Variants in BRINP1 observed in about 807,000 individuals in gnomAD.
The protein encoded by BRINP1 is BMP/retinoic acid inducible neural specific 1, also known as BMP/retinoic acid-inducible neural-specific protein 1.
BRINP1 carries 17 observed loss-of-function variants against 72.9 expected under a neutral mutation model. The ratio of observed to expected loss-of-function variants is 0.23; its 90% CI spans 0.16 to 0.35. The LOEUF (loss-of-function observed/expected upper bound fraction) is 0.35, where lower values mean the gene tolerates loss of function less well. Ranked by LOEUF, BRINP1 falls within the 10% of genes least tolerant of loss-of-function variation. The probability of loss-of-function intolerance (pLI) is 1.00; values close to 1 mark genes in which losing one functional copy is unlikely to be tolerated. For missense variants in BRINP1, 850 were observed against 1,001.6 expected (o/e 0.85, Z 2.04); for synonymous variants, 418 against 378.5 (o/e 1.10, Z -1.21).
At chr9:119,258,288 A>G (rs911176021) in intron 2 of BRINP1, among the ~76,000 whole-genome samples, 3 of 152,140 alleles carry the variant, frequency 2.0e-5, no homozygotes, top group Admixed American at 6.5e-5. Context: ...TAAACTTGAG[A>G]GGGAAAAATA....
At chr9:119,172,276 CAATAAAA>C (rs550546877) in intron 7 of BRINP1, among the ~76,000 whole-genome samples, 1,612 of 152,154 alleles carry the variant, frequency 0.011, 18 homozygotes, top group African/African-American at 0.032. Context: ...CAAATAGACG[CAATAAAA>C]AATGATAAAG....
intron 2 of BRINP1, among the ~76,000 whole-genome samples, chr9:119,278,938 A>G (rs552397278): frequency 6.6e-6 from 1 of 152,138 alleles, no homozygotes; most frequent in East Asian, 1.9e-4. Context: ...AACTTAGAGC[A>G]CTTTTCTGTC....
chr9:119,306,836 T>C (rs1831002141), intron 2 of BRINP1, among the ~76,000 whole-genome samples: 1 of 152,170 alleles, frequency 6.6e-6, no homozygotes, highest in Non-Finnish European at 1.5e-5. Context: ...TCTGTGGCCA[T>C]GTCAAAAACA....
intron 1 of BRINP1, among the ~76,000 whole-genome samples, chr9:119,313,944 T>A (rs1831098283): frequency 6.6e-6 from 1 of 152,220 alleles, no homozygotes; most frequent in Non-Finnish European, 1.5e-5. Context: ...CAGGCATGTA[T>A]CCACTGAGCA....
intron 1 of BRINP1, among the ~76,000 whole-genome samples, chr9:119,347,063 C>T (rs1831459546): frequency 6.6e-6 from 1 of 152,168 alleles, no homozygotes; most frequent in Non-Finnish European, 1.5e-5. Flanking sequence ...CTTGGAAGCT[C>T]TCCCTCTTGC....
chr9:119,280,227 A>G (rs1451246702), intron 2 of BRINP1, among the ~76,000 whole-genome samples: 1 of 145,992 alleles, frequency 6.8e-6, no homozygotes, highest in Non-Finnish European at 1.5e-5. Flanking sequence ...AACATGGATG[A>G]AATAAGTAGT....
intron 7 of BRINP1, among the ~76,000 whole-genome samples, chr9:119,177,439 G>A (rs1027001664): frequency 3.3e-5 from 5 of 152,126 alleles, no homozygotes; most frequent in African/African-American, 4.8e-5. Context: ...CCCTCCACAC[G>A]GCCCTGATTG....
intron 5 of BRINP1, among the ~76,000 whole-genome samples, chr9:119,231,732 C>T (rs1039637762): frequency 1.3e-5 from 2 of 152,020 alleles, no homozygotes; most frequent in African/African-American, 4.8e-5. Context: ...CCTTATATAA[C>T]ATCCAAGATT....
At chr9:119,199,605 A>C (rs534831229) in intron 7 of BRINP1, among the ~76,000 whole-genome samples, 1 of 152,230 alleles carries the variant, frequency 6.6e-6, no homozygotes, top group East Asian at 1.9e-4. Context: ...AAATGCTAAT[A>C]ATTCTACTGT....
intron 7 of BRINP1, among the ~76,000 whole-genome samples, chr9:119,200,636 G>GAAAAAAAAAAAA (rs774466695): frequency 1.7e-5 from 2 of 121,206 alleles, no homozygotes; most frequent in Admixed American, 8.7e-5. Context: ...GAAAAAAAAA[G>GAAAAAAAAAAAA]AAAAAAAAAA....
At chr9:119,269,714 G>A (rs554761504) in intron 2 of BRINP1, among the ~76,000 whole-genome samples, 3 of 152,136 alleles carry the variant, frequency 2.0e-5, no homozygotes, top group African/African-American at 7.2e-5. Context: ...AAAAGCAGAG[G>A]AGCCAGGAGG....
At chr9:119,280,862 C>G (rs1041820635) in intron 2 of BRINP1, among the ~76,000 whole-genome samples, 5 of 152,028 alleles carry the variant, frequency 3.3e-5, no homozygotes, top group Non-Finnish European at 2.9e-5. Flanking sequence ...TCTGAAAGAG[C>G]AGGGGTGTAT....
At chr9:119,345,999 G>A (rs1435245643) in intron 1 of BRINP1, among the ~76,000 whole-genome samples, 1 of 152,058 alleles carries the variant, frequency 6.6e-6, no homozygotes, top group East Asian at 1.9e-4. Flanking sequence ...TCACACCCAG[G>A]CAGTCTAGTT....
chr9:119,200,234 G>T (rs1425874395), intron 7 of BRINP1, among the ~76,000 whole-genome samples: 3 of 152,176 alleles, frequency 2.0e-5, no homozygotes, highest in African/African-American at 7.2e-5. Context: ...GTGGTAGGAA[G>T]TTATAAGAAC....
At chr9:119,322,552 T>C (rs1209552933) in intron 1 of BRINP1, among the ~76,000 whole-genome samples, 2 of 152,188 alleles carry the variant, frequency 1.3e-5, no homozygotes, top group African/African-American at 4.8e-5. Flanking sequence ...TGGAGCTTTC[T>C]GCATGGATTG....
At chr9:119,308,476 G>A (rs1004720867) in intron 2 of BRINP1, among the ~76,000 whole-genome samples, 17 of 152,098 alleles carry the variant, frequency 1.1e-4, no homozygotes, top group African/African-American at 3.9e-4. Context: ...CTGGCATATC[G>A]AGATGCCTAA....
At chr9:119,299,024 C>T (rs534449137) in intron 2 of BRINP1, among the ~76,000 whole-genome samples, 69 of 152,158 alleles carry the variant, frequency 4.5e-4, no homozygotes, top group African/African-American at 1.6e-3. Flanking sequence ...ATGGCTCAAT[C>T]AAATTAATTA....
At chr9:119,322,040 G>A (rs1239657777) in intron 1 of BRINP1, among the ~76,000 whole-genome samples, 2 of 152,054 alleles carry the variant, frequency 1.3e-5, no homozygotes, top group Non-Finnish European at 2.9e-5. Context: ...CTCTCCTCTT[G>A]CCTCCAAAAT....
chr9:119,173,631 G>GA (rs1167517314), intron 7 of BRINP1, among the ~76,000 whole-genome samples: 1 of 150,136 alleles, frequency 6.7e-6, no homozygotes, highest in African/African-American at 2.5e-5. Flanking sequence ...CACAGAATTG[G>GA]AAAAAACTAC....
Sources: allele counts gnomAD v4.1 joint callset (sites outside exome capture counted in the v4.1 genomes callset), GRCh38; gene constraint gnomAD v4.1.1; transcripts MANE v1.5; gene names NCBI Gene and HGNC (gene_info 2026-07-23, HGNC 2026-07-21).